SMAD3: variants seen among roughly 807,000 people sequenced by gnomAD.
SMAD3 encodes MAD homolog 3.
A neutral mutation model predicts 51.8 loss-of-function variants in SMAD3; 12 were observed. That is an observed-to-expected ratio of 0.23 (90% CI 0.15 to 0.38). The LOEUF (loss-of-function observed/expected upper bound fraction) is 0.38, where lower values mean the gene tolerates loss of function less well. Ranked by LOEUF, SMAD3 falls within the 10% of genes least tolerant of loss-of-function variation. The pLI, the probability that SMAD3 is intolerant of heterozygous loss-of-function variation, is 1.00. For synonymous variants in SMAD3, 238 were observed against 227.7 expected, an observed-to-expected ratio of 1.05 and a Z score of -0.41; for missense variants, 294 against 565.6, an observed-to-expected ratio of 0.52 and a Z score of 4.87.
intron 1 of SMAD3, 59 bp from the exon 2 acceptor site, chr15:67,164,836 T>A: frequency 1.3e-6 from 2 of 1,574,226 alleles, no homozygotes; most frequent in Non-Finnish European, 1.7e-6. Context: ...GGCCGGACTC[T>A]GCAGAAAGCA....
chr15:67,169,867 C>CT (rs11392160), intron 4 of SMAD3, among the ~76,000 whole-genome samples: 61,181 of 151,954 alleles, frequency 0.4, 12,643 homozygotes, highest in Admixed American at 0.46. Context: ...CATGTGAGTT[C>CT]TTTTTTTCTG....
chr15:67,123,329 T>G (rs1188764388), intron 1 of SMAD3, among the ~76,000 whole-genome samples: 1 of 151,870 alleles, frequency 6.6e-6, no homozygotes, highest in East Asian at 1.9e-4. Flanking sequence ...GAAATTCCGT[T>G]TCTACTGAAA....
intron 1 of SMAD3, among the ~76,000 whole-genome samples, chr15:67,137,137 G>A (rs1287330011): frequency 6.6e-6 from 1 of 152,208 alleles, no homozygotes; most frequent in African/African-American, 2.4e-5. Context: ...AGCAGGCTGC[G>A]TTTGTGGTTT....
In SMAD3 at chr15:67,082,972, G is replaced by T. The variant is rs1334484386; in HGVS notation, c.206+16612G>T. 3.3e-5 allele frequency among the ~76,000 whole-genome samples: 5 copies of T among 152,210 alleles called. No homozygotes were observed. The East Asian group carries it at 9.6e-4, about 29-fold the overall frequency. ...ACTGCTACTGATCCAAGAGGTGAGG[G>T]TTGGCATGGGGTGGGCACTCCAGTA... On this transcript the variant is annotated intron_variant, in intron 1 of 8. Transcript: ENST00000327367.
chr15:67,069,984 G>C (rs146947992), intron 1 of SMAD3, among the ~76,000 whole-genome samples: 1 of 152,146 alleles, frequency 6.6e-6, no homozygotes, highest in East Asian at 1.9e-4. Context: ...GATTACAGGC[G>C]TGAGCCACCG....
intron 1 of SMAD3, chr15:67,138,158 G>T: frequency 1.5e-6 from 2 of 1,300,338 alleles, no homozygotes. Flanking sequence ...CTCCCCACCC[G>T]TCCACAGGGT....
intron 4 of SMAD3, among the ~76,000 whole-genome samples, chr15:67,169,741 A>T (rs530262959): frequency 1.3e-5 from 2 of 151,426 alleles, no homozygotes; most frequent in Admixed American, 6.6e-5. Context: ...GGGATTACAG[A>T]TGTGAGCCAT....
At chr15:67,109,061 T>C (rs1443357074) in intron 1 of SMAD3, among the ~76,000 whole-genome samples, 1 of 152,234 alleles carries the variant, frequency 6.6e-6, no homozygotes. Flanking sequence ...TCTTCGTGTC[T>C]CTGGAGTCTA....
In SMAD3 at chr15:67,193,066, T is replaced by C. The variant is rs1380289624; in HGVS notation, c.*2530T>C. ...TGGTGCCATTCCCACCTTAGAGTGC[T>C]ACATAGGTGCTTTGGGCGTATGTAA... is the stretch of plus-strand genomic sequence containing the variant. On this transcript the variant is annotated 3_prime_UTR_variant, in exon 9 of 9. Coordinates refer to ENST00000327367, the MANE Select transcript of SMAD3 (RefSeq NM_005902.4). The C allele has an allele frequency of 8.6e-6, 2 of 233,266 alleles. No homozygotes were observed. The highest frequency in any genetic ancestry group is 4.4e-5 in the African/African-American group (2 of 45,356). 14.4% of individuals were successfully genotyped at this position (233,266 alleles called of 1,614,324 possible). A position where few individuals can be genotyped will look rare whatever the true frequency, so the allele number is the denominator to read the frequency against.
chr15:67,086,894 C>CT lies in SMAD3; in HGVS notation c.206+20550dup, dbSNP rs35917837. On this transcript the variant is annotated intron_variant, in intron 1 of 8. Transcript: ENST00000327367. ...CCACTATCACATTGCATATCTTCTCCTTTTTTTTTTTTTTTTCTGAGACGG... is the reference window on the plus strand; with the variant it reads ...CCACTATCACATTGCATATCTTCTCCTTTTTTTTTTTTTTTTTCTGAGACGG... Among the ~76,000 whole-genome samples, 781 of 138,426 alleles carry CT rather than the reference C, an allele frequency of 5.6e-3. 9 individuals are homozygous for CT. The highest frequency in any genetic ancestry group is 0.018 in the African/African-American group (655 of 36,974). The allele number at this position is 138,426 out of a possible 152,430, so 90.8% of individuals were successfully genotyped here. A position where few individuals can be genotyped will look rare whatever the true frequency, so the allele number is the denominator to read the frequency against.
rs935781124 is a variant in SMAD3 at position 67,138,201 on chromosome 15, G to T, written c.207-26694G>T. 8 of 921,990 alleles carry T rather than the reference G, an allele frequency of 8.7e-6. No homozygotes were observed. The East Asian group carries it at 1.6e-4, about 18-fold the overall frequency. The allele number at this position is 921,990 out of a possible 1,614,324, so 57.1% of individuals were successfully genotyped here. A position where few individuals can be genotyped will look rare whatever the true frequency, so the allele number is the denominator to read the frequency against. On this transcript the variant is annotated intron_variant, in intron 1 of 8. Transcript: ENST00000327367. ...CAGAGATCTGTCAGAGTTTCTCCGGGCTTCTCTTTCTCTGGGTGGGGATGT... is the reference window on the plus strand; with the variant it reads ...CAGAGATCTGTCAGAGTTTCTCCGGTCTTCTCTTTCTCTGGGTGGGGATGT...
chr15:67,178,849 C>G (rs963505835), intron 5 of SMAD3, among the ~76,000 whole-genome samples: 1 of 151,970 alleles, frequency 6.6e-6, no homozygotes, highest in African/African-American at 2.4e-5. Context: ...TGCTCCTGGC[C>G]CTGTCATTCC....
intron 1 of SMAD3, among the ~76,000 whole-genome samples, chr15:67,155,627 CAA>C (rs1171732482): frequency 6.6e-6 from 1 of 152,096 alleles, no homozygotes; most frequent in Non-Finnish European, 1.5e-5. Context: ...TGAAGTCACT[CAA>C]GTCTTGCTTT....
rs569063696 is a variant in SMAD3, at chr15:67,123,083, A to G, written c.207-41812A>G. Among the ~76,000 whole-genome samples the G allele has an allele frequency of 2.6e-5, 4 of 151,602 alleles. No individual in the cohort carries two copies. In the Admixed American group the frequency reaches 2.6e-4, roughly 10 times the overall value. ...CATGGTGGTGTGAGCCTGTGGTCTC[A>G]GCTACTCGGGAGGCTGCAGTGTAAG... is the stretch of plus-strand genomic sequence containing the variant. On this transcript the variant is annotated intron_variant, in intron 1 of 8. Coordinates refer to ENST00000327367, the MANE Select transcript of SMAD3 (RefSeq NM_005902.4).
intron 1 of SMAD3, among the ~76,000 whole-genome samples, chr15:67,133,474 G>A (rs1248080602): frequency 6.6e-6 from 1 of 151,862 alleles, no homozygotes; most frequent in Non-Finnish European, 1.5e-5. Context: ...AAAACAATGA[G>A]AAGGCAAACA....
chr15:67,125,959 G>A, intron 1 of SMAD3: 1 of 985,504 alleles, frequency 1.0e-6, no homozygotes, highest in South Asian at 4.7e-5. Context: ...CCCACACTCG[G>A]GCCTGTGTTG....
chr15:67,166,076 G>T (rs1212697580), intron 3 of SMAD3: 4 of 577,394 alleles, frequency 6.9e-6, no homozygotes, highest in Non-Finnish European at 8.8e-6. Flanking sequence ...GTTCATCCTG[G>T]GTTAGTTTAC....
intron 1 of SMAD3, among the ~76,000 whole-genome samples, chr15:67,100,754 C>G (rs1225693558): frequency 1.3e-5 from 2 of 152,128 alleles, no homozygotes; most frequent in Non-Finnish European, 2.9e-5. Context: ...TACGTGTACA[C>G]TGAGGCAGAA....
chr15:67,091,499 C>T (rs1429566217), intron 1 of SMAD3, among the ~76,000 whole-genome samples: 1 of 152,220 alleles, frequency 6.6e-6, no homozygotes, highest in Non-Finnish European at 1.5e-5. Context: ...ATCATTGTGG[C>T]TGTGGCCATG....
Sources: gnomAD v4.1 joint callset for allele counts (sites outside exome capture counted in the v4.1 genomes callset) on GRCh38, gnomAD v4.1.1 for gene constraint, MANE v1.5 for transcripts, NCBI Gene and HGNC (gene_info 2026-07-23, HGNC 2026-07-21) for gene names.